The following TTLL7 variants were observed in gnomAD, a reference collection of about 807,000 sequenced individuals.
TTLL7 encodes tubulin polyglutamylase TTLL7.
In TTLL7, 53 loss-of-function variants were observed where a neutral mutation model predicts 120.2. The observed-to-expected ratio is 0.44, with a 90% confidence interval of 0.35 to 0.55. TTLL7 has a LOEUF of 0.55. Ranked by LOEUF, TTLL7 falls within the 20% of genes least tolerant of loss-of-function variation. The pLI, the probability that TTLL7 is intolerant of heterozygous loss-of-function variation, is 0.00. For missense variants in TTLL7, 803 were observed against 1,054.7 expected (o/e 0.76, Z 3.31); for synonymous variants, 353 against 351.7 (o/e 1.00, Z -0.04).
At position 83,900,210 on chromosome 1, in the gene TTLL7, T is replaced by C. The variant is rs546195100; in HGVS notation, c.2208+3869A>G. ...TCACTAACTAGTAAGGAAAGAAGAC[T>C]ACAGAAAGAAGCAGCTAGCTTGCTA... On this transcript the variant is annotated intron_variant, in intron 18 of 20. Coordinates refer to ENST00000260505, the MANE Select transcript of TTLL7 (RefSeq NM_024686.6). The C allele has an allele frequency of 9.1e-5, 39 of 428,526 alleles. 1 individual carries two copies. Among genetic ancestry groups the C allele is most frequent in the South Asian group, 6.6e-4 (38 of 57,464 alleles). 26.5% of individuals were successfully genotyped at this position (428,526 alleles called of 1,614,324 possible).
At chr1:83,954,477 A>G (rs960353299) in intron 1 of TTLL7, among the ~76,000 whole-genome samples, 8 of 152,146 alleles carry the variant, frequency 5.3e-5, no homozygotes, top group South Asian at 2.1e-4. Flanking sequence ...TTATCCCACC[A>G]CTCATTTGAA....
intron 1 of TTLL7, among the ~76,000 whole-genome samples, chr1:83,992,298 TA>T (rs1653072478): frequency 2.6e-5 from 4 of 152,272 alleles, no homozygotes; most frequent in African/African-American, 9.6e-5. Context: ...ACAACTTGTT[TA>T]TATTTTCCAA....
At chr1:83,893,935 C>A (rs534026304) in intron 18 of TTLL7, among the ~76,000 whole-genome samples, 1 of 152,146 alleles carries the variant, frequency 6.6e-6, no homozygotes, top group East Asian at 1.9e-4. Context: ...TTACAGGTAA[C>A]AAATGCTTCA....
intron 18 of TTLL7, among the ~76,000 whole-genome samples, chr1:83,901,664 A>T (rs1039829481): frequency 4.6e-5 from 7 of 151,932 alleles, no homozygotes; most frequent in African/African-American, 1.7e-4. Context: ...CTCTGTCACC[A>T]GCTTTACTAC....
At chr1:83,980,729 A>G (rs1253438467) in intron 1 of TTLL7, 1 of 152,226 alleles carries the variant, frequency 6.6e-6, no homozygotes, top group African/African-American at 2.4e-5. Flanking sequence ...ACAAGTACAC[A>G]TAACAGACTA....
chr1:83,984,253 A>G (rs1357843927), intron 1 of TTLL7: 1 of 152,244 alleles, frequency 6.6e-6, no homozygotes, highest in Admixed American at 6.5e-5. Context: ...GCAACTAACA[A>G]AAAGTCAAAA....
rs531444993 is a variant in TTLL7 at position 83,956,037 on chromosome 1, A to G, written c.-176-3650T>C. Among the ~76,000 whole-genome samples the G allele has an allele frequency of 5.3e-5, 8 of 152,318 alleles. No homozygotes were observed. The South Asian group carries it at 1.7e-3, about 32-fold the overall frequency. On this transcript the variant is annotated intron_variant, in intron 1 of 20. Coordinates refer to ENST00000260505, the MANE Select transcript of TTLL7 (RefSeq NM_024686.6). ...CAATTCATGAGAGCTGAGAGAAAAG[A>G]GAAATAGTCATCAAGCTCTGAGAAG...
intron 7 of TTLL7, among the ~76,000 whole-genome samples, chr1:83,939,823 T>C (rs1647769231): frequency 6.6e-6 from 1 of 152,192 alleles, no homozygotes; most frequent in African/African-American, 2.4e-5. Context: ...TGCTCACTAT[T>C]TTAAAAATTT....
chr1:83,929,846 T>C (rs1275600053), intron 9 of TTLL7, among the ~76,000 whole-genome samples: 2 of 152,162 alleles, frequency 1.3e-5, no homozygotes, highest in African/African-American at 4.8e-5. Flanking sequence ...TTAAATCGGT[T>C]GGTTAGAACA....
At chr1:83,991,207 G>A (rs1257053305) in intron 1 of TTLL7, among the ~76,000 whole-genome samples, 1 of 152,134 alleles carries the variant, frequency 6.6e-6, no homozygotes. Context: ...CTAGGGGGAG[G>A]TGGGTGAAAA....
intron 1 of TTLL7, among the ~76,000 whole-genome samples, chr1:83,953,635 T>C (rs1282022173): frequency 1.3e-5 from 2 of 152,198 alleles, no homozygotes; most frequent in Non-Finnish European, 2.9e-5. Flanking sequence ...TTTAAATATT[T>C]TATTTCATTA....
chr1:83,949,920 A>T lies in TTLL7; in HGVS notation c.224T>A (p.Ile75Lys), dbSNP rs1369543475. 3 of 1,613,756 alleles carry T rather than the reference A, an allele frequency of 1.9e-6. No individual in the cohort carries two copies. The highest frequency in any genetic ancestry group is 1.7e-5 in the Admixed American group (1 of 60,016). Residue 75 changes from isoleucine (I) to lysine (K), a missense_variant, in exon 4 of 21, where the codon ATA becomes AAA. Ile to Lys is a moderately radical substitution (Grantham distance 102). This residue lies in a region of TTLL7 where 91 missense variants were observed against 96.6 expected (regional missense o/e 0.94). Coordinates refer to ENST00000260505, the MANE Select transcript of TTLL7 (RefSeq NM_024686.6). ...TPDEDETSNL[I>K]WCDSAVQQEK... Reference sequence around the variant, plus strand: ...CTGCTGAACAGCAGAATCACACCATATAAGATTACTTGTTTCATCCTCATC... The same window carrying T: ...CTGCTGAACAGCAGAATCACACCATTTAAGATTACTTGTTTCATCCTCATC...
intron 2 of TTLL7, 41 bp downstream of exon 2, chr1:83,952,146 C>T (rs1649124241): frequency 1.3e-6 from 2 of 1,579,666 alleles, no homozygotes; most frequent in Non-Finnish European, 1.7e-6. Context: ...TGATGTATAA[C>T]ACCTCCATAT....
intron 1 of TTLL7, among the ~76,000 whole-genome samples, chr1:83,957,875 T>C (rs1480618587): frequency 2.0e-5 from 3 of 152,202 alleles, no homozygotes; most frequent in Non-Finnish European, 4.4e-5. Context: ...CTTTTTTATC[T>C]TAGACTTCCC....
At chr1:83,883,390 TGA>T (rs975111614) in intron 19 of TTLL7, among the ~76,000 whole-genome samples, 1 of 151,906 alleles carries the variant, frequency 6.6e-6, no homozygotes, top group East Asian at 1.9e-4. Context: ...TGTTTGTATG[TGA>T]GAGAGAGAGT....
intron 1 of TTLL7, among the ~76,000 whole-genome samples, chr1:83,974,067 G>A (rs903425513): frequency 6.6e-6 from 1 of 151,860 alleles, no homozygotes; most frequent in Admixed American, 6.6e-5. Context: ...TTACATTTAA[G>A]AGCATAGGTA....
At chr1:83,888,633 C>T (rs1053175794) in intron 19 of TTLL7, among the ~76,000 whole-genome samples, 8 of 151,852 alleles carry the variant, frequency 5.3e-5, no homozygotes, top group Admixed American at 2.0e-4. Context: ...TGGCAGAAAG[C>T]CATCTAATCA....
chr1:83,971,287 C>G (rs1481940098), intron 1 of TTLL7, among the ~76,000 whole-genome samples: 1 of 152,016 alleles, frequency 6.6e-6, no homozygotes, highest in Non-Finnish European at 1.5e-5. Context: ...ACACAGCCTG[C>G]CATGGTCCAA....
chr1:83,911,160 C>T lies in TTLL7; in HGVS notation c.1786+5G>A. 6.3e-7 allele frequency: 1 copy of T among 1,598,910 alleles called. No homozygotes were observed. The highest frequency in any genetic ancestry group is 8.6e-7 in the Non-Finnish European group (1 of 1,168,418). ...TAACATCTAAATTAGAAGAAATTGA[C>T]TTACTGGGTTGTTGAATTAATTTGT... On this transcript the variant is annotated splice_donor_5th_base_variant and intron_variant, in intron 15 of 20. Coordinates refer to ENST00000260505, the MANE Select transcript of TTLL7 (RefSeq NM_024686.6).
Sources: gnomAD v4.1 joint callset for allele counts (sites outside exome capture counted in the v4.1 genomes callset) on GRCh38, gnomAD v4.1.1 for gene constraint, gnomAD v4.1.1 regional missense constraint, MANE v1.5 for transcripts, NCBI Gene and HGNC (gene_info 2026-07-23, HGNC 2026-07-21) for gene names.